The following TRPM1 variants were observed in gnomAD, a reference collection of about 807,000 sequenced individuals.
TRPM1 encodes the protein transient receptor potential cation channel subfamily M member 1.
Under a neutral mutation model 149.4 loss-of-function variants are expected in TRPM1, and 113 were observed. The ratio of observed to expected loss-of-function variants is 0.76; its 90% CI spans 0.65 to 0.88. The LOEUF (loss-of-function observed/expected upper bound fraction) is 0.88, where lower values mean the gene tolerates loss of function less well. Ranked by LOEUF, TRPM1 falls within the 40% of genes least tolerant of loss-of-function variation. The pLI is 0.00. For missense variants in TRPM1, 1,976 were observed against 2,038.7 expected (o/e 0.97, Z 0.59); for synonymous variants, 741 against 759.5 (o/e 0.98, Z 0.40).
chr15:31,157,810 A>C (rs913419083), intron 1 of TRPM1, among the ~76,000 whole-genome samples: 3 of 152,176 alleles, frequency 2.0e-5, no homozygotes, highest in African/African-American at 7.2e-5. Context: ...AAAGGGTCAG[A>C]TCTGCCTTGT....
chr15:31,033,531 GCAGAGCC>G (rs1184702096), intron 21 of TRPM1, among the ~76,000 whole-genome samples: 1 of 152,212 alleles, frequency 6.6e-6, no homozygotes, highest in East Asian at 1.9e-4. Flanking sequence ...ACAGGCGTGC[GCAGAGCC>G]TTCCCAATGG....
intron 1 of TRPM1, among the ~76,000 whole-genome samples, chr15:31,095,315 A>G (rs1312581063): frequency 1.3e-5 from 2 of 152,228 alleles, no homozygotes; most frequent in Non-Finnish European, 2.9e-5. Flanking sequence ...TGACCTCATG[A>G]CTGTACTAAA....
intron 11 of TRPM1, among the ~76,000 whole-genome samples, chr15:31,052,318 C>T (rs1275161747): frequency 1.3e-5 from 2 of 152,140 alleles, no homozygotes; most frequent in Admixed American, 1.3e-4. Context: ...GCAGATAAAA[C>T]CGTTATGGTC....
At chr15:31,148,351 AG>A (rs1254043326) in intron 1 of TRPM1, among the ~76,000 whole-genome samples, 1 of 152,170 alleles carries the variant, frequency 6.6e-6, no homozygotes, top group Non-Finnish European at 1.5e-5. Flanking sequence ...CCAGCTCCAA[AG>A]GGGGTTGGGG....
At chr15:31,137,791 C>T (rs2036108897) in intron 1 of TRPM1, among the ~76,000 whole-genome samples, 1 of 152,086 alleles carries the variant, frequency 6.6e-6, no homozygotes, top group South Asian at 2.1e-4. Flanking sequence ...AAGCAGTTTT[C>T]TTATAAGAGA....
chr15:31,054,598 T>G (rs989677077), intron 11 of TRPM1, among the ~76,000 whole-genome samples: 7 of 152,324 alleles, frequency 4.6e-5, no homozygotes, highest in Admixed American at 1.3e-4. Context: ...CCTGGCCTCT[T>G]CGTTATGTTT....
chr15:31,092,144 C>A (rs1043857256), intron 1 of TRPM1, among the ~76,000 whole-genome samples: 1 of 151,862 alleles, frequency 6.6e-6, no homozygotes, highest in African/African-American at 2.4e-5. Flanking sequence ...CTGGCTTAGC[C>A]CTGAAGGATG....
chr15:31,050,702 T>G (rs1053547433), intron 11 of TRPM1, 120 bp from the exon 12 acceptor site: 7 of 1,078,060 alleles, frequency 6.5e-6, no homozygotes, highest in Non-Finnish European at 8.5e-6. Context: ...ATGCACACAA[T>G]GTACATGTGC....
intron 1 of TRPM1, among the ~76,000 whole-genome samples, chr15:31,141,152 G>A (rs2036156321): frequency 6.6e-6 from 1 of 151,870 alleles, no homozygotes; most frequent in African/African-American, 2.4e-5. Context: ...TTTTTATATG[G>A]TATGGTGAAG....
chr15:31,042,211 C>G lies in TRPM1; in HGVS notation c.1827G>C (p.Lys609Asn), dbSNP rs1237668584. ...TCTCTTCCTCCTTTTTCTTCTTTTTCTTTTTCTTCCCTTTAGCTGGAGGCT... is the reference window on the plus strand; with the variant it reads ...TCTCTTCCTCCTTTTTCTTCTTTTTGTTTTTCTTCCCTTTAGCTGGAGGCT... Reference protein sequence around the residue: ...DDEPPAKGKKKKKKKKEEEID... With the variant: ...DDEPPAKGKKNKKKKKEEEID... Residue 609 changes from lysine (K) to asparagine (N), a missense_variant, in exon 17 of 28, where the codon AAG becomes AAC. Around this residue, in one of 3 missense-constraint regions of TRPM1, gnomAD observed 1,332 missense variants for 1,347.1 expected, o/e 0.99. Coordinates refer to ENST00000256552, the MANE Select transcript of TRPM1 (RefSeq NM_001252024.2). 6.2e-7 allele frequency: 1 copy of G among 1,601,682 alleles called. No homozygotes were observed. The highest frequency in any genetic ancestry group is 8.5e-7 in the Non-Finnish European group (1 of 1,174,036).
chr15:31,159,395 T>C (rs984954117), intron 1 of TRPM1, among the ~76,000 whole-genome samples: 1 of 152,128 alleles, frequency 6.6e-6, no homozygotes, highest in Non-Finnish European at 1.5e-5. Flanking sequence ...GCCAGCTTTG[T>C]GCTGGGGAGG....
chr15:31,143,150 G>T (rs530934880), intron 1 of TRPM1, among the ~76,000 whole-genome samples: 1 of 152,242 alleles, frequency 6.6e-6, no homozygotes, highest in Non-Finnish European at 1.5e-5. Flanking sequence ...GAGGTTTATA[G>T]AAAGAATGGA....
intron 3 of TRPM1, among the ~76,000 whole-genome samples, chr15:31,072,872 AT>A (rs148091269): frequency 6.6e-6 from 1 of 151,314 alleles, no homozygotes; most frequent in Admixed American, 6.6e-5. Context: ...TGGGTTATTT[AT>A]TTTTTTTTAA....
intron 2 of TRPM1, among the ~76,000 whole-genome samples, 193 bp from the exon 3 acceptor site, chr15:31,077,177 T>C (rs1289583935): frequency 6.6e-6 from 1 of 152,254 alleles, no homozygotes; most frequent in Non-Finnish European, 1.5e-5. Flanking sequence ...AGTATGTATT[T>C]AATGGTTCTC....
intron 9 of TRPM1, 106 bp downstream of exon 9, chr15:31,062,473 C>T (rs752013951): frequency 2.1e-5 from 30 of 1,451,676 alleles, no homozygotes; most frequent in African/African-American, 5.6e-5. Context: ...CAGAAAAGGC[C>T]GGACTAAAAT....
intron 27 of TRPM1, among the ~76,000 whole-genome samples, chr15:31,017,116 C>A (rs536540050): frequency 2.0e-5 from 3 of 152,160 alleles, no homozygotes; most frequent in African/African-American, 7.2e-5. Flanking sequence ...ACCAGCCTGA[C>A]CAACATGGTG....
intron 1 of TRPM1, among the ~76,000 whole-genome samples, chr15:31,159,547 C>G (rs902313475): frequency 3.9e-5 from 6 of 152,212 alleles, no homozygotes; most frequent in Non-Finnish European, 8.8e-5. Flanking sequence ...AATGCTGACT[C>G]TCACACATGC....
intron 13 of TRPM1, 135 bp downstream of exon 13, chr15:31,049,240 G>A (rs1269001329): frequency 2.3e-6 from 3 of 1,303,978 alleles, no homozygotes; most frequent in Non-Finnish European, 3.3e-6. Flanking sequence ...CAGGTGAGAA[G>A]TAGCCGCCTG....
At chr15:31,072,006 T>TAGAGAG (rs1367033881) in intron 3 of TRPM1, among the ~76,000 whole-genome samples, 1 of 38,308 alleles carries the variant, frequency 2.6e-5, no homozygotes, top group South Asian at 8.3e-4. Context: ...TATATATATA[T>TAGAGAG]ATATATATAT....
Sources: gnomAD v4.1 joint callset for allele counts (sites outside exome capture counted in the v4.1 genomes callset) on GRCh38, gnomAD v4.1.1 for gene constraint, gnomAD v4.1.1 regional missense constraint, MANE v1.5 for transcripts, NCBI Gene and HGNC (gene_info 2026-07-23, HGNC 2026-07-21) for gene names.